GON4L: variants seen among roughly 807,000 people sequenced by gnomAD.
The protein encoded by GON4L is gon-4 like, also known as GON-4-like protein.
A neutral mutation model predicts 211.8 loss-of-function variants in GON4L; 87 were observed. That is an observed-to-expected ratio of 0.41 (90% confidence interval 0.35 to 0.49). GON4L has a LOEUF of 0.49. Ranked by LOEUF, GON4L falls within the 20% of genes least tolerant of loss-of-function variation. The probability of loss-of-function intolerance (pLI) is 0.15; values close to 1 mark genes in which losing one functional copy is unlikely to be tolerated. For synonymous variants in GON4L, 875 were observed against 962.6 expected (o/e 0.91, Z 1.68); for missense variants, 2,155 against 2,659.5 (o/e 0.81, Z 4.17).
chr1:155,823,217 C>T (rs1041333423), intron 3 of GON4L, among the ~76,000 whole-genome samples: 1 of 152,212 alleles, frequency 6.6e-6, no homozygotes, highest in Non-Finnish European at 1.5e-5. Context: ...GTGTGAGCCA[C>T]CGTACCTGGC....
At chr1:155,762,717 C>G (rs1193932631) in intron 22 of GON4L, among the ~76,000 whole-genome samples, 1 of 152,176 alleles carries the variant, frequency 6.6e-6, no homozygotes, top group Non-Finnish European at 1.5e-5. Context: ...TAGCCCCACA[C>G]ATGACAGATA....
intron 3 of GON4L, among the ~76,000 whole-genome samples, chr1:155,825,501 G>A (rs1412130634): frequency 6.6e-6 from 1 of 151,738 alleles, no homozygotes; most frequent in Non-Finnish European, 1.5e-5. Context: ...GAACCCGGAA[G>A]GCAGACACTG....
intron 2 of GON4L, among the ~76,000 whole-genome samples, chr1:155,840,568 A>G (rs2102409380): frequency 6.6e-6 from 1 of 152,236 alleles, no homozygotes; most frequent in East Asian, 1.9e-4. Context: ...CAGCCCTTTA[A>G]AAAGTTCCTT....
At chr1:155,788,830 C>T (rs776443927) in intron 12 of GON4L, among the ~76,000 whole-genome samples, 5 of 152,138 alleles carry the variant, frequency 3.3e-5, no homozygotes, top group Non-Finnish European at 7.3e-5. Flanking sequence ...GTGGCTCACG[C>T]CTGTAATCCC....
intron 9 of GON4L, 105 bp downstream of exon 9, chr1:155,814,225 A>G: frequency 6.3e-6 from 7 of 1,117,500 alleles, no homozygotes; most frequent in South Asian, 1.2e-5. Context: ...ACTTTGAAAA[A>G]GGGTGACAGC....
chr1:155,830,251 G>A (rs1373834526), intron 2 of GON4L, among the ~76,000 whole-genome samples: 1 of 149,640 alleles, frequency 6.7e-6, no homozygotes, highest in Non-Finnish European at 1.5e-5. Context: ...ACCCAGCCCT[G>A]CAGGGACAGT....
chr1:155,852,203 C>A (rs1455372355), intron 2 of GON4L, among the ~76,000 whole-genome samples: 2 of 150,420 alleles, frequency 1.3e-5, no homozygotes, highest in African/African-American at 4.9e-5. Flanking sequence ...CTCCCACCAC[C>A]TGTTCCAAGC....
chr1:155,796,748 ATGTAT>A (rs1666105140), intron 11 of GON4L, among the ~76,000 whole-genome samples: 1 of 152,132 alleles, frequency 6.6e-6, no homozygotes, highest in Non-Finnish European at 1.5e-5. Flanking sequence ...TGATCTATAC[ATGTAT>A]TGTATTGTAT....
Position 155,835,273 on chromosome 1 carries a change from G to A in GON4L, c.506-8245C>T, listed in dbSNP as rs560986147. ...TTAAACAGATGCTTGAAGGCAGCATGCTCGTTAAGTCATCACCACTCCCTA... is the reference window on the plus strand; with the variant it reads ...TTAAACAGATGCTTGAAGGCAGCATACTCGTTAAGTCATCACCACTCCCTA... On this transcript the variant is annotated intron_variant, in intron 2 of 31. Transcript: ENST00000368331. 2.9e-4 allele frequency among the ~76,000 whole-genome samples: 44 copies of A among 152,230 alleles called. No homozygotes were observed. The East Asian group carries it at 8.3e-3, about 29-fold the overall frequency.
chr1:155,748,225 G>C, downstream of GON4L: 1 of 1,359,276 alleles, frequency 7.4e-7, no homozygotes, highest in South Asian at 1.4e-5. Flanking sequence ...CCTGAGGCCC[G>C]AGCTTGAACT....
intron 2 of GON4L, among the ~76,000 whole-genome samples, chr1:155,834,142 C>T (rs960418069): frequency 6.6e-6 from 1 of 152,082 alleles, no homozygotes; most frequent in African/African-American, 2.4e-5. Flanking sequence ...TCCTCTTTAA[C>T]TGCTTCATAT....
Position 155,765,931 on chromosome 1 carries a change from G to A in GON4L, c.3542C>T (p.Thr1181Ile). The A allele has an allele frequency of 6.2e-7, 1 of 1,614,202 alleles. No homozygotes were observed. Among genetic ancestry groups the A allele is most frequent in the Non-Finnish European group, 8.5e-7 (1 of 1,180,032 alleles). Residue 1181 changes from threonine (T) to isoleucine (I), a missense_variant, in exon 21 of 32, where the codon ACT (threonine) becomes ATT (isoleucine). Coordinates refer to ENST00000368331, the MANE Select transcript of GON4L (RefSeq NM_001282860.2). ...VAQSPQTIPITTLLVNPTSFP... is the reference protein window; with the variant it reads ...VAQSPQTIPIITLLVNPTSFP... ...GGAAGTAGGGTTAACCAAGAGGGTA[G>A]TGATGGGAATAGTCTGGGGACTCTG...
At chr1:155,825,733 C>CA (rs961784956) in intron 3 of GON4L, among the ~76,000 whole-genome samples, 6 of 151,532 alleles carry the variant, frequency 4.0e-5, no homozygotes, top group African/African-American at 1.5e-4. Flanking sequence ...TCCGTCTCTA[C>CA]AAAAAAAATT....
At chr1:155,856,402 TC>T (rs1371879583) in intron 1 of GON4L, among the ~76,000 whole-genome samples, 1 of 148,962 alleles carries the variant, frequency 6.7e-6, no homozygotes, top group Non-Finnish European at 1.5e-5. Context: ...CGACTTTTTT[TC>T]TTTTTTTTTT....
Position 155,765,369 on chromosome 1 carries a change from A to G in GON4L, c.4104T>C (p.Ala1368=). The change falls in exon 21 of 32, where the codon GCT becomes GCC. Residue 1368 remains alanine (A), a synonymous_variant. Transcript: ENST00000368331. ...AGACTGTCTGTTTCGTTACTTCTCC[A>G]GCACTGCTCAACTCCTCGCTTGGGG... ...TGAPSEELSS[A]GEVTKQTVLQ... 1 of 1,614,142 alleles carries G rather than the reference A, an allele frequency of 6.2e-7. No individual in the cohort carries two copies. Among genetic ancestry groups the G allele is most frequent in the Non-Finnish European group, 8.5e-7 (1 of 1,180,004 alleles).
chr1:155,754,369 C>G lies in GON4L; in HGVS notation c.5631+6G>C. The G allele has an allele frequency of 6.4e-7, 1 of 1,563,082 alleles. No homozygotes were observed. The highest frequency in any genetic ancestry group is 8.8e-7 in the Non-Finnish European group (1 of 1,133,452). On this transcript the variant is annotated splice_donor_region_variant and intron_variant, in intron 28 of 31. Transcript: ENST00000368331. ...ATACCCTCGGGACCCTTGATACTTTCCTCACCTTGCTGCTACAGTGGCTAC... is the reference window on the plus strand; with the variant it reads ...ATACCCTCGGGACCCTTGATACTTTGCTCACCTTGCTGCTACAGTGGCTAC...
At chr1:155,819,213 G>C (rs1668525226) in intron 6 of GON4L, among the ~76,000 whole-genome samples, 1 of 151,942 alleles carries the variant, frequency 6.6e-6, no homozygotes, top group Non-Finnish European at 1.5e-5. Context: ...TGAGGCAGGA[G>C]AATCACTTGA....
chr1:155,802,026 T>C (rs1666718651), intron 11 of GON4L, among the ~76,000 whole-genome samples: 1 of 152,192 alleles, frequency 6.6e-6, no homozygotes, highest in South Asian at 2.1e-4. Context: ...CTTTTCTAAA[T>C]GTTTGAGAAA....
chr1:155,814,550 A>G, intron 8 of GON4L, 101 bp from the exon 9 acceptor site: 2 of 1,246,880 alleles, frequency 1.6e-6, no homozygotes, highest in South Asian at 2.4e-5. Context: ...TCAATCACTC[A>G]GCCTGGCCAA....
Sources: allele counts gnomAD v4.1 joint callset (sites outside exome capture counted in the v4.1 genomes callset), GRCh38; gene constraint gnomAD v4.1.1; transcripts MANE v1.5; gene names NCBI Gene and HGNC (gene_info 2026-07-23, HGNC 2026-07-21).